The following ACMSD variants were observed in gnomAD, a reference collection of about 807,000 sequenced individuals.
ACMSD encodes the protein 2-amino-3-carboxymuconate-6-semialdehyde decarboxylase.
Under a neutral mutation model 45.9 loss-of-function variants are expected in ACMSD, and 37 were observed. That is an observed-to-expected ratio of 0.81 (90% CI 0.62 to 1.06). ACMSD has a LOEUF of 1.06. Among genes scored for constraint, ACMSD ranks in the 50% least tolerant of loss-of-function variants. The pLI is 0.00. For synonymous variants in ACMSD, 138 were observed against 148.8 expected (o/e 0.93, Z 0.53); for missense variants, 434 against 420.9 (o/e 1.03, Z -0.27).
intron 9 of ACMSD, among the ~76,000 whole-genome samples, chr2:134,900,770 GA>G (rs1690453728): frequency 6.6e-6 from 1 of 152,170 alleles, no homozygotes; most frequent in African/African-American, 2.4e-5. Flanking sequence ...AAGATGTGGA[GA>G]AAGAAAACAA....
intron 6 of ACMSD, among the ~76,000 whole-genome samples, chr2:134,870,463 C>A (rs934542519): frequency 1.3e-5 from 2 of 152,152 alleles, no homozygotes; most frequent in African/African-American, 4.8e-5. Flanking sequence ...AGAGAGACAG[C>A]TAATATTTTT....
chr2:134,867,853 T>A (rs1229783700), intron 6 of ACMSD, 181 bp downstream of exon 6: 3 of 385,860 alleles, frequency 7.8e-6, no homozygotes, highest in Non-Finnish European at 1.4e-5. Flanking sequence ...ATAACCTCAT[T>A]TAATTTTAAA....
intron 4 of ACMSD, chr2:134,863,178 G>C: frequency 1.7e-6 from 1 of 597,676 alleles, no homozygotes; most frequent in Non-Finnish European, 2.1e-6. Flanking sequence ...TTTTTCCAAT[G>C]AATCAGCAAT....
chr2:134,900,087 GA>G (rs1690414185), intron 9 of ACMSD, among the ~76,000 whole-genome samples: 1 of 151,980 alleles, frequency 6.6e-6, no homozygotes, highest in Non-Finnish European at 1.5e-5. Flanking sequence ...TACCACTAAA[GA>G]AATTTAAAAT....
At position 134,894,026 on chromosome 2, in the gene ACMSD, C is replaced by T. The variant is rs554273885; in HGVS notation, c.850-4315C>T. 2.6e-5 allele frequency among the ~76,000 whole-genome samples: 4 copies of T among 152,084 alleles called. No homozygotes were observed. The East Asian group carries it at 7.7e-4, about 29-fold the overall frequency. On this transcript the variant is annotated intron_variant, in intron 8 of 9. Coordinates refer to ENST00000356140, the MANE Select transcript of ACMSD (RefSeq NM_138326.3). ...TGCCTATATTAAAAAAGAAGAAAGA[C>T]CTTAATTCGGTGGCCTAGGACTTGG...
chr2:134,840,268 C>T (rs1686743866), intron 1 of ACMSD, among the ~76,000 whole-genome samples: 1 of 146,802 alleles, frequency 6.8e-6, no homozygotes, highest in South Asian at 2.2e-4. Flanking sequence ...CTTTGGAAAC[C>T]ACCACGGTGG....
At chr2:134,860,716 A>T (rs1687805185) in intron 3 of ACMSD, among the ~76,000 whole-genome samples, 1 of 151,952 alleles carries the variant, frequency 6.6e-6, no homozygotes, top group Non-Finnish European at 1.5e-5. Flanking sequence ...TGCTTTATAT[A>T]TTTTTTAACA....
At chr2:134,858,883 G>T (rs1687713187) in intron 2 of ACMSD, among the ~76,000 whole-genome samples, 1 of 150,460 alleles carries the variant, frequency 6.6e-6, no homozygotes, top group East Asian at 2.0e-4. Flanking sequence ...TATCTCAAAG[G>T]TTCTTTTCAA....
At chr2:134,886,049 T>C (rs1384329258) in intron 8 of ACMSD, among the ~76,000 whole-genome samples, 2 of 152,058 alleles carry the variant, frequency 1.3e-5, no homozygotes, top group African/African-American at 4.8e-5. Flanking sequence ...CATGATCAAA[T>C]TTGTATTTTT....
chr2:134,898,267 A>G, intron 8 of ACMSD, 74 bp from the exon 9 acceptor site: 1 of 836,590 alleles, frequency 1.2e-6, no homozygotes, highest in Non-Finnish European at 1.8e-6. Context: ...TGTTTGTAAT[A>G]AGTAAACAAT....
intron 1 of ACMSD, among the ~76,000 whole-genome samples, chr2:134,843,443 A>G (rs1274578975): frequency 1.3e-5 from 2 of 152,210 alleles, no homozygotes; most frequent in African/African-American, 4.8e-5. Flanking sequence ...AACCTTAAGA[A>G]GCTGTTGAGG....
At chr2:134,863,031 T>C (rs1687920372) in intron 4 of ACMSD, 2 of 984,148 alleles carry the variant, frequency 2.0e-6, no homozygotes, top group South Asian at 9.5e-5. Context: ...CTGGGGCCCT[T>C]GGCCAGGCCC....
At chr2:134,855,679 T>C (rs1687548510) in intron 2 of ACMSD, among the ~76,000 whole-genome samples, 1 of 152,198 alleles carries the variant, frequency 6.6e-6, no homozygotes, top group Non-Finnish European at 1.5e-5. Flanking sequence ...CTGTCACAAT[T>C]ACACAAGTCA....
chr2:134,845,820 A>T (rs1284257533), intron 2 of ACMSD, among the ~76,000 whole-genome samples: 1 of 152,180 alleles, frequency 6.6e-6, no homozygotes, highest in Non-Finnish European at 1.5e-5. Context: ...CCCAAGAGTG[A>T]GCTGGGAGTC....
intron 8 of ACMSD, among the ~76,000 whole-genome samples, chr2:134,893,922 T>G (rs913288613): frequency 1.3e-5 from 2 of 152,066 alleles, no homozygotes; most frequent in African/African-American, 2.4e-5. Flanking sequence ...TAGACATGAA[T>G]AGAATACAAA....
At chr2:134,888,837 G>A (rs1689611843) in intron 8 of ACMSD, among the ~76,000 whole-genome samples, 2 of 152,100 alleles carry the variant, frequency 1.3e-5, no homozygotes, top group African/African-American at 2.4e-5. Flanking sequence ...ACCTTTAGTG[G>A]GAGAACTGAG....
intron 2 of ACMSD, among the ~76,000 whole-genome samples, chr2:134,849,762 T>G (rs1255507481): frequency 6.6e-6 from 1 of 152,126 alleles, no homozygotes; most frequent in Non-Finnish European, 1.5e-5. Flanking sequence ...TTTATAAAAG[T>G]GTAAGTAGCA....
intron 2 of ACMSD, among the ~76,000 whole-genome samples, chr2:134,851,434 G>C (rs916925864): frequency 2.0e-5 from 3 of 152,186 alleles, no homozygotes; most frequent in African/African-American, 7.2e-5. Context: ...CCTACCAACA[G>C]TGTAGAAGCA....
intron 2 of ACMSD, among the ~76,000 whole-genome samples, chr2:134,856,253 C>G (rs939854939): frequency 6.6e-6 from 1 of 152,150 alleles, no homozygotes; most frequent in African/African-American, 2.4e-5. Context: ...TTAACTTGCT[C>G]AAGACCACAT....
Sources: allele counts gnomAD v4.1 joint callset (sites outside exome capture counted in the v4.1 genomes callset), GRCh38; gene constraint gnomAD v4.1.1; transcripts MANE v1.5; gene names NCBI Gene and HGNC (gene_info 2026-07-23, HGNC 2026-07-21).